The following ZNF385D variants were observed in gnomAD, a reference collection of about 807,000 sequenced individuals.
The protein encoded by ZNF385D is zinc finger protein 659.
A neutral mutation model predicts 35.8 loss-of-function variants in ZNF385D; 15 were observed. That is an observed-to-expected ratio of 0.42 (90% CI 0.28 to 0.64). The LOEUF (loss-of-function observed/expected upper bound fraction) is 0.64, where lower values mean the gene tolerates loss of function less well. Among genes scored for constraint, ZNF385D ranks in the 30% least tolerant of loss-of-function variants. The pLI, the probability that ZNF385D is intolerant of heterozygous loss-of-function variation, is 0.23. For synonymous variants in ZNF385D, 212 were observed against 186.8 expected, an observed-to-expected ratio of 1.13 and a Z score of -1.10; for missense variants, 474 against 494.6, an observed-to-expected ratio of 0.96 and a Z score of 0.39.
chr3:21,679,340 A>G (rs1467493349), intron 1 of ZNF385D, among the ~76,000 whole-genome samples: 1 of 152,082 alleles, frequency 6.6e-6, no homozygotes, highest in Admixed American at 6.6e-5. Context: ...TTATTTTATT[A>G]GCATTATTGC....
chr3:21,930,663 A>T (rs1459718686), intron 3 of ZNF385D, among the ~76,000 whole-genome samples: 2 of 152,162 alleles, frequency 1.3e-5, no homozygotes, highest in Non-Finnish European at 2.9e-5. Context: ...ATGAGAAATT[A>T]ATCCTTACAC....
intron 2 of ZNF385D, among the ~76,000 whole-genome samples, chr3:21,573,933 G>T (rs1407772109): frequency 1.3e-5 from 2 of 151,662 alleles, no homozygotes; most frequent in Admixed American, 1.3e-4. Context: ...GGTGGCGGGC[G>T]CTTGTAATCC....
intron 3 of ZNF385D, among the ~76,000 whole-genome samples, chr3:22,013,682 G>A (rs534941019): frequency 9.9e-5 from 15 of 152,152 alleles, no homozygotes; most frequent in East Asian, 7.8e-4. Flanking sequence ...AAAAATTTAC[G>A]TACAGCCTGT....
intron 3 of ZNF385D, among the ~76,000 whole-genome samples, chr3:21,981,381 T>C (rs771366838): frequency 6.6e-6 from 1 of 152,190 alleles, no homozygotes; most frequent in Non-Finnish European, 1.5e-5. Flanking sequence ...TTGAGAAGTG[T>C]CTGTTCATGA....
intron 3 of ZNF385D, among the ~76,000 whole-genome samples, chr3:21,941,718 C>G (rs903375609): frequency 1.3e-5 from 2 of 151,746 alleles, no homozygotes; most frequent in African/African-American, 4.8e-5. Flanking sequence ...AGGATGGTCT[C>G]GATCTCCTGA....
intron 3 of ZNF385D, among the ~76,000 whole-genome samples, chr3:21,815,523 A>G (rs2073108775): frequency 6.6e-6 from 1 of 152,244 alleles, no homozygotes; most frequent in Non-Finnish European, 1.5e-5. Context: ...ACAGAAATAC[A>G]AACTACCATC....
At chr3:21,611,475 C>G (rs908244820) in intron 2 of ZNF385D, among the ~76,000 whole-genome samples, 3 of 152,168 alleles carry the variant, frequency 2.0e-5, no homozygotes, top group Non-Finnish European at 4.4e-5. Flanking sequence ...ACTTTAGTAA[C>G]CACATGAGCT....
chr3:22,128,426 T>A (rs73047035), intron 3 of ZNF385D, among the ~76,000 whole-genome samples: 1 of 152,338 alleles, frequency 6.6e-6, no homozygotes, highest in Non-Finnish European at 1.5e-5. Flanking sequence ...ATATTTAATA[T>A]CTTTCTCTAG....
intron 3 of ZNF385D, among the ~76,000 whole-genome samples, chr3:21,870,195 C>A (rs1315360399): frequency 6.6e-6 from 1 of 152,088 alleles, no homozygotes; most frequent in African/African-American, 2.4e-5. Flanking sequence ...TCTTCCTGAC[C>A]AATATCATAA....
intron 3 of ZNF385D, among the ~76,000 whole-genome samples, chr3:21,761,641 G>A (rs1307564823): frequency 3.3e-5 from 5 of 152,092 alleles, no homozygotes; most frequent in Admixed American, 2.0e-4. Context: ...CTATAGAGAG[G>A]ATAAGACACT....
intron 3 of ZNF385D, among the ~76,000 whole-genome samples, chr3:21,775,010 C>T (rs1049766344): frequency 6.6e-6 from 1 of 151,756 alleles, no homozygotes; most frequent in Non-Finnish European, 1.5e-5. Context: ...TAAAATACTC[C>T]CACCAACACA....
chr3:21,997,867 GC>G (rs1695574435), intron 3 of ZNF385D, among the ~76,000 whole-genome samples: 1 of 46,432 alleles, frequency 2.2e-5, no homozygotes, highest in Non-Finnish European at 4.3e-5. Context: ...GCGCGCGCGC[GC>G]GCGCGTGTGT....
At chr3:21,610,545 T>C (rs902945679) in intron 2 of ZNF385D, among the ~76,000 whole-genome samples, 1 of 151,688 alleles carries the variant, frequency 6.6e-6, no homozygotes, top group African/African-American at 2.4e-5. Flanking sequence ...CCAAGGCAGG[T>C]GGATCATGAG....
intron 3 of ZNF385D, among the ~76,000 whole-genome samples, chr3:21,902,305 C>T (rs1699453106): frequency 6.6e-6 from 1 of 152,128 alleles, no homozygotes; most frequent in Non-Finnish European, 1.5e-5. Flanking sequence ...TTAACTGAGA[C>T]AAGTATGACT....
intron 4 of ZNF385D, among the ~76,000 whole-genome samples, chr3:21,500,952 C>T (rs1706312770): frequency 6.6e-6 from 1 of 152,188 alleles, no homozygotes; most frequent in Admixed American, 6.5e-5. Flanking sequence ...CCTTCTTGTC[C>T]TTGCCCCACG....
chr3:21,763,508 C>G (rs1456342712), intron 3 of ZNF385D, among the ~76,000 whole-genome samples: 1 of 152,088 alleles, frequency 6.6e-6, no homozygotes, highest in African/African-American at 2.4e-5. Flanking sequence ...TTTAAAACTT[C>G]TTGAGAAATC....
chr3:22,074,858 T>A (rs993277154), intron 3 of ZNF385D, among the ~76,000 whole-genome samples: 4 of 151,866 alleles, frequency 2.6e-5, no homozygotes, highest in African/African-American at 9.7e-5. Context: ...CCCTTTCACA[T>A]CTTCATGTGG....
intron 3 of ZNF385D, among the ~76,000 whole-genome samples, chr3:22,060,230 T>G (rs1383467804): frequency 6.6e-6 from 1 of 152,202 alleles, no homozygotes; most frequent in Non-Finnish European, 1.5e-5. Flanking sequence ...CTTGTCAGCC[T>G]TCATAATTAT....
In ZNF385D at chr3:22,275,952, G is replaced by A. The variant is rs550761916; in HGVS notation, c.106+96498C>T. Among the ~76,000 whole-genome samples, 26 of 152,190 alleles carry A rather than the reference G, an allele frequency of 1.7e-4. 1 individual carries two copies. In the South Asian group the frequency reaches 5.0e-3, roughly 29 times the overall value. On this transcript the variant is annotated intron_variant, in intron 2 of 5. Coordinates refer to the ZNF385D transcript ENST00000494108. ...ACACAAAAATTAGCTGGGCATGGTG[G>A]CGTGTGCCTGTAATCCCAGCTACTC...
Sources: gnomAD v4.1 joint callset for allele counts (sites outside exome capture counted in the v4.1 genomes callset) on GRCh38, gnomAD v4.1.1 for gene constraint, MANE v1.5 for transcripts, NCBI Gene and HGNC (gene_info 2026-07-23, HGNC 2026-07-21) for gene names.